The following CSMD3 variants were observed in gnomAD, a reference collection of about 807,000 sequenced individuals.
The protein encoded by CSMD3 is CUB and sushi domain-containing protein 3.
Under a neutral mutation model 435.2 loss-of-function variants are expected in CSMD3, and 177 were observed. That is an observed-to-expected ratio of 0.41 (90% CI 0.36 to 0.46). CSMD3 has a LOEUF of 0.46. Ranked by LOEUF, CSMD3 falls within the 20% of genes least tolerant of loss-of-function variation. The probability of loss-of-function intolerance (pLI) is 0.34; values close to 1 mark genes in which losing one functional copy is unlikely to be tolerated. For missense variants in CSMD3, 4,265 were observed against 4,504.6 expected, an observed-to-expected ratio of 0.95 and a Z score of 1.52; for synonymous variants, 1,656 against 1,520.5, an observed-to-expected ratio of 1.09 and a Z score of -2.07.
At chr8:113,430,653 T>TAA (rs2130069583) in intron 1 of CSMD3, among the ~76,000 whole-genome samples, 1 of 152,320 alleles carries the variant, frequency 6.6e-6, no homozygotes, top group South Asian at 2.1e-4. Flanking sequence ...TAGAGGATGC[T>TAA]GGTACTACTT....
chr8:113,291,842 A>G (rs2093688575), intron 2 of CSMD3, among the ~76,000 whole-genome samples: 1 of 151,940 alleles, frequency 6.6e-6, no homozygotes, highest in African/African-American at 2.4e-5. Context: ...ATATCAATAG[A>G]CAAATGTCAA....
At chr8:112,240,648 G>A (rs978739565) in intron 66 of CSMD3, among the ~76,000 whole-genome samples, 2 of 152,008 alleles carry the variant, frequency 1.3e-5, no homozygotes, top group Admixed American at 6.6e-5. Flanking sequence ...CTTATTGGCA[G>A]CTTTTAAATA....
intron 65 of CSMD3, among the ~76,000 whole-genome samples, chr8:112,243,149 A>T (rs890556180): frequency 6.6e-6 from 1 of 152,066 alleles, no homozygotes; most frequent in Admixed American, 6.6e-5. Context: ...AGAGGGGTAG[A>T]TAGGAGGACA....
At chr8:112,249,710 A>C (rs1375031215) in intron 63 of CSMD3, among the ~76,000 whole-genome samples, 2 of 152,040 alleles carry the variant, frequency 1.3e-5, no homozygotes, top group Non-Finnish European at 2.9e-5. Flanking sequence ...CTTTACTCAA[A>C]TTCTGTTCAA....
intron 3 of CSMD3, among the ~76,000 whole-genome samples, chr8:113,219,410 T>C (rs944346756): frequency 2.7e-5 from 4 of 150,424 alleles, no homozygotes; most frequent in African/African-American, 9.7e-5. Flanking sequence ...CAAAAAAAAA[T>C]ACAGGCACAA....
Position 112,650,150 on chromosome 8 carries a change from T to G in CSMD3, c.3193+11A>C. ...AAATCAGCATATTTTGCATGTCAAA[T>G]GAGTTATTACCATCACAGGTTGGAA... On this transcript the variant is annotated intron_variant, in intron 19 of 70. Coordinates refer to ENST00000297405, the MANE Select transcript of CSMD3 (RefSeq NM_198123.2). 6.3e-7 allele frequency: 1 copy of G among 1,593,998 alleles called. No individual in the cohort carries two copies. Among genetic ancestry groups the G allele is most frequent in the Non-Finnish European group, 8.6e-7 (1 of 1,161,668 alleles).
intron 35 of CSMD3, among the ~76,000 whole-genome samples, chr8:112,391,375 G>A (rs1830396070): frequency 6.6e-6 from 1 of 152,124 alleles, no homozygotes; most frequent in African/African-American, 2.4e-5. Flanking sequence ...GAGTCATTAA[G>A]AGATTGTCTT....
Position 112,770,763 on chromosome 8 carries a change from T to C in CSMD3, c.1972+29399A>G, listed in dbSNP as rs149446057. 2.0e-4 allele frequency among the ~76,000 whole-genome samples: 31 copies of C among 152,142 alleles called. No homozygotes were observed. The East Asian group carries it at 3.9e-3, about 19-fold the overall frequency. On this transcript the variant is annotated intron_variant, in intron 13 of 70. Coordinates refer to ENST00000297405, the MANE Select transcript of CSMD3 (RefSeq NM_198123.2). ...ATATAATATAATAACATACATTATA[T>C]TTCTACATACTGACATCAATTTTTG... is the stretch of plus-strand genomic sequence containing the variant.
intron 13 of CSMD3, among the ~76,000 whole-genome samples, chr8:112,742,263 T>C (rs1328598232): frequency 1.3e-5 from 2 of 152,000 alleles, no homozygotes; most frequent in African/African-American, 4.8e-5. Flanking sequence ...TGCAGAAGAT[T>C]ATAATGTCAT....
At chr8:112,284,138 T>C (rs189931519) in intron 58 of CSMD3, among the ~76,000 whole-genome samples, 1 of 152,030 alleles carries the variant, frequency 6.6e-6, no homozygotes, top group East Asian at 1.9e-4. Flanking sequence ...GCATAAAACT[T>C]TGCTTGTGTT....
At chr8:112,729,591 G>A (rs1448595170) in intron 13 of CSMD3, among the ~76,000 whole-genome samples, 3 of 152,094 alleles carry the variant, frequency 2.0e-5, no homozygotes, top group Non-Finnish European at 2.9e-5. Context: ...AACGATTTTG[G>A]TATGTGAAGA....
In CSMD3 at chr8:112,594,702, A is replaced by G. The variant is rs1008347325; in HGVS notation, c.3716-7467T>C. On this transcript the variant is annotated intron_variant, in intron 22 of 70. Transcript: ENST00000297405. ...AGACTGCCTCCTCAAGTGGGTCCCTAACCCCTGACCCCCCGAGCAGCCTAA... is the reference window on the plus strand; with the variant it reads ...AGACTGCCTCCTCAAGTGGGTCCCTGACCCCTGACCCCCCGAGCAGCCTAA... Among the ~76,000 whole-genome samples the G allele has an allele frequency of 5.5e-4, 84 of 152,244 alleles. 1 individual carries two copies. The highest frequency in any genetic ancestry group is 1.7e-3 in the African/African-American group (72 of 41,560).
chr8:112,271,967 C>G (rs1817567481), intron 59 of CSMD3, among the ~76,000 whole-genome samples: 1 of 152,152 alleles, frequency 6.6e-6, no homozygotes, highest in African/African-American at 2.4e-5. Flanking sequence ...TTAGTGCCTT[C>G]TAAAAGTGTG....
intron 13 of CSMD3, among the ~76,000 whole-genome samples, chr8:112,767,364 T>G (rs949168856): frequency 6.6e-6 from 1 of 151,780 alleles, no homozygotes; most frequent in Admixed American, 6.6e-5. Context: ...AACCAAGATA[T>G]AGGATGATAC....
chr8:113,161,723 G>T (rs539329451), intron 4 of CSMD3, among the ~76,000 whole-genome samples: 9 of 152,180 alleles, frequency 5.9e-5, no homozygotes, highest in Admixed American at 2.6e-4. Flanking sequence ...GTTTACACTA[G>T]CTTAGAGGAT....
intron 10 of CSMD3, among the ~76,000 whole-genome samples, chr8:112,916,288 G>A (rs1322876014): frequency 6.6e-6 from 1 of 151,630 alleles, no homozygotes; most frequent in African/African-American, 2.4e-5. Flanking sequence ...AATTGTTCAG[G>A]GAGTTTTGAA....
chr8:112,883,478 T>C (rs554901642), intron 10 of CSMD3, among the ~76,000 whole-genome samples: 5 of 151,984 alleles, frequency 3.3e-5, no homozygotes, highest in Non-Finnish European at 7.4e-5. Flanking sequence ...AGTGTTTTTC[T>C]AACAAATAGT....
At chr8:112,300,231 G>T (rs1820782011) in intron 53 of CSMD3, among the ~76,000 whole-genome samples, 1 of 145,402 alleles carries the variant, frequency 6.9e-6, no homozygotes, top group East Asian at 2.0e-4. Flanking sequence ...CATATTTAAA[G>T]ATACATGTAA....
chr8:112,804,596 G>A (rs2079035622), intron 12 of CSMD3, among the ~76,000 whole-genome samples: 1 of 152,138 alleles, frequency 6.6e-6, no homozygotes, highest in South Asian at 2.1e-4. Flanking sequence ...GATCTCAGAT[G>A]TGGGAACTGA....
Sources: gnomAD v4.1 joint callset for allele counts (sites outside exome capture counted in the v4.1 genomes callset) on GRCh38, gnomAD v4.1.1 for gene constraint, MANE v1.5 for transcripts, NCBI Gene and HGNC (gene_info 2026-07-23, HGNC 2026-07-21) for gene names.